Variants in CBLN2 observed in about 807,000 individuals in gnomAD.
CBLN2 encodes the protein cerebellin-2.
In CBLN2, 7 loss-of-function variants were observed where a neutral mutation model predicts 15.0. That is an observed-to-expected ratio of 0.47 (90% CI 0.27 to 0.88). The LOEUF is 0.88. Ranked by LOEUF, CBLN2 falls within the 40% of genes least tolerant of loss-of-function variation. CBLN2 has a pLI of 0.14. For synonymous variants in CBLN2, 149 were observed against 135.2 expected (o/e 1.10, Z -0.71); for missense variants, 242 against 304.5 (o/e 0.79, Z 1.53).
intron 1 of CBLN2, among the ~76,000 whole-genome samples, chr18:72,560,423 A>T (rs1262877339): frequency 1.3e-5 from 2 of 152,242 alleles, no homozygotes; most frequent in Non-Finnish European, 2.9e-5. Context: ...CCTTCAAAGC[A>T]TGTTAAGACA....
chr18:72,597,995 G>T (rs947184672), intron 1 of CBLN2, among the ~76,000 whole-genome samples: 3 of 152,094 alleles, frequency 2.0e-5, no homozygotes, highest in African/African-American at 4.8e-5. Flanking sequence ...AGCCAAGGCC[G>T]GGAATTGCAG....
At chr18:72,568,107 A>G (rs2069308156) in intron 1 of CBLN2, among the ~76,000 whole-genome samples, 1 of 152,092 alleles carries the variant, frequency 6.6e-6, no homozygotes, top group African/African-American at 2.4e-5. Flanking sequence ...AAATGCCGCT[A>G]TATCCATTAT....
chr18:72,569,439 G>C (rs2069316203), intron 1 of CBLN2, among the ~76,000 whole-genome samples: 3 of 152,196 alleles, frequency 2.0e-5, no homozygotes, highest in South Asian at 4.1e-4. Context: ...AATCAGTTAT[G>C]ATAAATTATT....
At chr18:72,571,917 C>A (rs1410920152) in intron 1 of CBLN2, among the ~76,000 whole-genome samples, 3 of 151,998 alleles carry the variant, frequency 2.0e-5, no homozygotes, top group Admixed American at 2.0e-4. Context: ...CCAGGAATAA[C>A]CTTCTATATT....
In CBLN2 at chr18:72,536,767, T is replaced by C. The variant is rs1328744696; in HGVS notation, c.*1409A>G. 6.6e-6 allele frequency: 1 copy of C among 152,652 alleles called. No individual in the cohort carries two copies. The highest frequency in any genetic ancestry group is 1.5e-5 in the Non-Finnish European group (1 of 68,042). 9.5% of individuals were successfully genotyped at this position (152,652 alleles called of 1,614,324 possible). On this transcript the variant is annotated 3_prime_UTR_variant, in exon 5 of 5. Coordinates refer to ENST00000269503, the MANE Select transcript of CBLN2 (RefSeq NM_182511.4). ...TTACATTGTTACACAAAGAACAAATTAACATCTGGTTTGAGGTCTCCTTTT... is the reference window on the plus strand; with the variant it reads ...TTACATTGTTACACAAAGAACAAATCAACATCTGGTTTGAGGTCTCCTTTT...
intron 1 of CBLN2, among the ~76,000 whole-genome samples, chr18:72,594,184 T>C (rs2069498407): frequency 6.6e-6 from 1 of 152,098 alleles, no homozygotes. Context: ...CTAATGTAGA[T>C]GATGGGTTGA....
At chr18:72,570,125 A>G (rs1056291898) in intron 1 of CBLN2, among the ~76,000 whole-genome samples, 4 of 152,126 alleles carry the variant, frequency 2.6e-5, no homozygotes, top group African/African-American at 9.7e-5. Flanking sequence ...ATCCTAGAGG[A>G]ATTATAGATT....
chr18:72,568,364 C>T (rs1289938442), intron 1 of CBLN2, among the ~76,000 whole-genome samples: 1 of 152,160 alleles, frequency 6.6e-6, no homozygotes, highest in East Asian at 1.9e-4. Context: ...GAAGCATCAT[C>T]AGCCAAAACT....
intron 3 of CBLN2, chr18:72,539,179 A>T (rs920602581): frequency 6.1e-6 from 1 of 165,066 alleles, no homozygotes; most frequent in African/African-American, 2.4e-5. Flanking sequence ...TGACAAAAAA[A>T]CGAACAAACA....
intron 1 of CBLN2, among the ~76,000 whole-genome samples, chr18:72,611,584 T>C (rs944257678): frequency 3.3e-5 from 5 of 152,214 alleles, no homozygotes; most frequent in African/African-American, 1.2e-4. Flanking sequence ...TGCTTTTTAA[T>C]GGGGTATTTG....
chr18:72,541,693 A>AG (rs2069112823), intron 3 of CBLN2, 111 bp downstream of exon 3: 1 of 739,556 alleles, frequency 1.4e-6, no homozygotes, highest in South Asian at 2.0e-5. Context: ...GCAGAGGGGG[A>AG]GGACAGAGCC....
intron 1 of CBLN2, among the ~76,000 whole-genome samples, chr18:72,616,952 C>A (rs2069666665): frequency 2.0e-5 from 3 of 152,074 alleles, no homozygotes; most frequent in Admixed American, 2.0e-4. Context: ...CGAATTAAAT[C>A]ATTAAACCTT....
At chr18:72,562,251 AG>A (rs886817932) in intron 1 of CBLN2, among the ~76,000 whole-genome samples, 1 of 152,222 alleles carries the variant, frequency 6.6e-6, no homozygotes, top group African/African-American at 2.4e-5. Context: ...TAGGCCATAC[AG>A]GGACAAAATT....
In CBLN2 at chr18:72,574,317, G is replaced by A. The variant is rs189152856; in HGVS notation, c.16-35545C>T. On this transcript the variant is annotated intron_variant, in intron 1 of 2. Coordinates refer to the CBLN2 transcript ENST00000581073. Reference sequence around the variant, plus strand: ...TTTTACGGATTGTGCATTTGGTGTCGTATCTAAAGAAATCATCGCCACTTA... The same window carrying A: ...TTTTACGGATTGTGCATTTGGTGTCATATCTAAAGAAATCATCGCCACTTA... Among the ~76,000 whole-genome samples, 355 of 152,088 alleles carry A rather than the reference G, an allele frequency of 2.3e-3. 1 individual carries two copies. The highest frequency in any genetic ancestry group is 8.1e-3 in the African/African-American group (338 of 41,486).
At chr18:72,607,400 A>C (rs984009136) in intron 1 of CBLN2, among the ~76,000 whole-genome samples, 2 of 152,200 alleles carry the variant, frequency 1.3e-5, no homozygotes, top group Admixed American at 6.5e-5. Context: ...TTTCTCACTC[A>C]GGAGTTAATG....
intron 1 of CBLN2, among the ~76,000 whole-genome samples, chr18:72,610,359 A>C (rs929048896): frequency 6.6e-6 from 1 of 152,188 alleles, no homozygotes; most frequent in African/African-American, 2.4e-5. Context: ...GTCTTTGCTC[A>C]AAATGTTTCC....
chr18:72,548,567 T>C (rs2069172966), upstream of CBLN2, among the ~76,000 whole-genome samples: 1 of 152,224 alleles, frequency 6.6e-6, no homozygotes, highest in Non-Finnish European at 1.5e-5. Flanking sequence ...TGTAATCCAC[T>C]ATAAAAGCCA....
chr18:72,600,384 G>A (rs542121384), intron 1 of CBLN2, among the ~76,000 whole-genome samples: 1 of 152,266 alleles, frequency 6.6e-6, no homozygotes, highest in East Asian at 1.9e-4. Flanking sequence ...AGACAGTCAG[G>A]GGAATCAAGA....
upstream of CBLN2, among the ~76,000 whole-genome samples, chr18:72,547,952 C>T (rs2144878003): frequency 1.3e-5 from 2 of 152,294 alleles, no homozygotes; most frequent in Non-Finnish European, 2.9e-5. Context: ...GATTGTTCTG[C>T]TCGCTCTTAC....
Sources: gnomAD v4.1 joint callset for allele counts (sites outside exome capture counted in the v4.1 genomes callset) on GRCh38, gnomAD v4.1.1 for gene constraint, MANE v1.5 for transcripts, NCBI Gene and HGNC (gene_info 2026-07-23, HGNC 2026-07-21) for gene names.